Variants in CELF1 observed in about 807,000 individuals in gnomAD.
CELF1 encodes the protein 50 kDa nuclear polyadenylated RNA-binding protein.
CELF1 carries 10 observed loss-of-function variants against 61.8 expected under a neutral mutation model. The observed-to-expected ratio is 0.16, with a 90% CI of 0.10 to 0.27. The LOEUF is 0.27. CELF1 is among the 10% of genes least tolerant of loss of function. The probability of loss-of-function intolerance (pLI) is 1.00; values close to 1 mark genes in which losing one functional copy is unlikely to be tolerated. For missense variants in CELF1, 380 were observed against 639.1 expected (o/e 0.59, Z 4.37); for synonymous variants, 236 against 225.1 (o/e 1.05, Z -0.43).
chr11:47,547,443 C>T (rs570692871), intron 1 of CELF1, among the ~76,000 whole-genome samples: 65 of 151,688 alleles, frequency 4.3e-4, no homozygotes, highest in African/African-American at 1.5e-3. Flanking sequence ...TTTGGGAGGC[C>T]GAGGCGGGCA....
intron 2 of CELF1, among the ~76,000 whole-genome samples, chr11:47,500,195 GCTT>G (rs2093721109): frequency 6.6e-6 from 1 of 151,382 alleles, no homozygotes; most frequent in African/African-American, 2.4e-5. Context: ...GATCAGCCTT[GCTT>G]TTTTTTTTTT....
At chr11:47,485,914 C>A (rs2086597351) in intron 6 of CELF1, among the ~76,000 whole-genome samples, 1 of 147,668 alleles carries the variant, frequency 6.8e-6, no homozygotes, top group Non-Finnish European at 1.5e-5. Flanking sequence ...GTAATCCCAG[C>A]ACTTTGGGAG....
intron 1 of CELF1, among the ~76,000 whole-genome samples, chr11:47,552,403 G>C (rs1222265565): frequency 6.6e-6 from 1 of 152,232 alleles, no homozygotes; most frequent in Non-Finnish European, 1.5e-5. Context: ...CCGGGTGCGA[G>C]ATTCCTGCCC....
chr11:47,527,785 A>C (rs2096301523), intron 1 of CELF1, among the ~76,000 whole-genome samples: 1 of 152,268 alleles, frequency 6.6e-6, no homozygotes, highest in Admixed American at 6.5e-5. Context: ...ACTTGTGTGA[A>C]GGCAACTAAG....
chr11:47,470,739 T>A lies in CELF1; in HGVS notation c.*1491A>T, dbSNP rs1420235490. On this transcript the variant is annotated 3_prime_UTR_variant, in exon 15 of 15. Transcript: ENST00000687097. The stretch of plus-strand genomic sequence containing the variant: ...GACCCAGGGATCCCATCCCTGGCTG[T>A]GGCTACAGTCACATCTTAACAGGGC... 1 of 152,208 alleles carries A rather than the reference T, an allele frequency of 6.6e-6. No homozygotes were observed. Among genetic ancestry groups the A allele is most frequent in the Admixed American group, 6.5e-5 (1 of 15,276 alleles). The allele number at this position is 152,208 out of a possible 1,614,324, so 9.4% of individuals were successfully genotyped here.
At chr11:47,514,850 C>T (rs2095468540) in intron 1 of CELF1, 2 of 152,184 alleles carry the variant, frequency 1.3e-5, no homozygotes, top group Non-Finnish European at 1.5e-5. Flanking sequence ...AGAGCAAGAC[C>T]TTGTTTCAAA....
intron 1 of CELF1, among the ~76,000 whole-genome samples, chr11:47,508,997 G>A (rs1326779044): frequency 6.6e-6 from 1 of 152,166 alleles, no homozygotes; most frequent in Non-Finnish European, 1.5e-5. Context: ...TCGAACTCCT[G>A]ACCTCAGGGG....
chr11:47,534,799 T>C (rs1310161208), intron 1 of CELF1, among the ~76,000 whole-genome samples: 1 of 152,136 alleles, frequency 6.6e-6, no homozygotes, highest in East Asian at 1.9e-4. Context: ...CCTCCAAAAC[T>C]GTAGTGTGTA....
intron 9 of CELF1, among the ~76,000 whole-genome samples, chr11:47,479,836 T>C (rs987983707): frequency 1.3e-5 from 2 of 152,188 alleles, no homozygotes; most frequent in Non-Finnish European, 2.9e-5. Flanking sequence ...TGACCTGGTT[T>C]CTCTGTCGCC....
chr11:47,504,883 T>C (rs563967654), intron 1 of CELF1, among the ~76,000 whole-genome samples: 11 of 134,592 alleles, frequency 8.2e-5, no homozygotes, highest in South Asian at 4.7e-4. Flanking sequence ...GCCTGGGCGA[T>C]AGAGTGAGAC....
At chr11:47,505,643 CAAA>C (rs112777088) in intron 1 of CELF1, among the ~76,000 whole-genome samples, 6 of 123,552 alleles carry the variant, frequency 4.9e-5, no homozygotes, top group African/African-American at 3.0e-5. Flanking sequence ...ACTCTGTCTC[CAAA>C]AAAAAAAAAA....
At chr11:47,482,523 G>T (rs3740699) in intron 9 of CELF1, 172 bp downstream of exon 9, 189,156 of 500,594 alleles carry the variant, frequency 0.38, 37,938 homozygotes, top group South Asian at 0.46. Context: ...CATATATATA[G>T]AGAGAGAAAG....
At chr11:47,525,523 G>A (rs1397287479) in intron 1 of CELF1, among the ~76,000 whole-genome samples, 1 of 152,134 alleles carries the variant, frequency 6.6e-6, no homozygotes, top group African/African-American at 2.4e-5. Flanking sequence ...TGCTGCCCAG[G>A]CGGGTCTCAA....
chr11:47,494,103 G>T (rs1192587370), intron 3 of CELF1, among the ~76,000 whole-genome samples: 1 of 152,166 alleles, frequency 6.6e-6, no homozygotes, highest in African/African-American at 2.4e-5. Flanking sequence ...AGTATCTATA[G>T]TGTCCCTGTC....
chr11:47,530,702 C>A (rs1598099925), intron 1 of CELF1, among the ~76,000 whole-genome samples: 1 of 152,150 alleles, frequency 6.6e-6, no homozygotes, highest in African/African-American at 2.4e-5. Context: ...TACCTGTAAT[C>A]CCAGTACTTT....
chr11:47,562,448 G>A (rs1388711069), intron 2 of CELF1, among the ~76,000 whole-genome samples: 1 of 144,898 alleles, frequency 6.9e-6, no homozygotes, highest in Non-Finnish European at 1.5e-5. Context: ...AGAATTGCTT[G>A]AGCCCAGGAG....
chr11:47,526,820 C>T (rs2096260278), intron 1 of CELF1, among the ~76,000 whole-genome samples: 1 of 152,058 alleles, frequency 6.6e-6, no homozygotes. Flanking sequence ...CCTGCAATCC[C>T]ACGATGGATC....
intron 3 of CELF1, among the ~76,000 whole-genome samples, chr11:47,493,792 G>A (rs996686656): frequency 6.6e-6 from 1 of 152,056 alleles, no homozygotes; most frequent in African/African-American, 2.4e-5. Context: ...GCAACAACCC[G>A]CATGTATACC....
intron 1 of CELF1, among the ~76,000 whole-genome samples, chr11:47,530,919 C>T (rs1284708715): frequency 6.6e-6 from 1 of 152,014 alleles, no homozygotes; most frequent in Non-Finnish European, 1.5e-5. Flanking sequence ...CATGCCATTG[C>T]ACTCCAAGCC....
Sources: gnomAD v4.1 joint callset for allele counts (sites outside exome capture counted in the v4.1 genomes callset) on GRCh38, gnomAD v4.1.1 for gene constraint, MANE v1.5 for transcripts, NCBI Gene and HGNC (gene_info 2026-07-23, HGNC 2026-07-21) for gene names.